ZCCHC7: variants seen among roughly 807,000 people sequenced by gnomAD.
ZCCHC7 encodes the protein zinc finger CCHC-type containing 7, also known as zinc finger CCHC domain-containing protein 7.
In ZCCHC7, 35 loss-of-function variants were observed where a neutral mutation model predicts 52.0. The ratio of observed to expected loss-of-function variants is 0.67; its 90% CI spans 0.51 to 0.89. ZCCHC7 has a LOEUF of 0.89. Among genes scored for constraint, ZCCHC7 ranks in the 40% least tolerant of loss-of-function variants. ZCCHC7 has a pLI of 0.00. For missense variants in ZCCHC7, 574 were observed against 649.1 expected (o/e 0.88, Z 1.26); for synonymous variants, 217 against 221.5 (o/e 0.98, Z 0.18).
intron 2 of ZCCHC7, among the ~76,000 whole-genome samples, chr9:37,285,670 T>C (rs1828173471): frequency 6.6e-6 from 1 of 152,234 alleles, no homozygotes; most frequent in Admixed American, 6.5e-5. Context: ...TTGCTGCTTA[T>C]ATAAATAGAA....
intron 2 of ZCCHC7, among the ~76,000 whole-genome samples, chr9:37,155,426 ATATTAT>A (rs975233853): frequency 2.0e-4 from 30 of 152,132 alleles, no homozygotes; most frequent in African/African-American, 7.2e-4. Context: ...AACCAAATTG[ATATTAT>A]TAATATGTAG....
chr9:37,254,372 T>A (rs948314108), intron 2 of ZCCHC7, among the ~76,000 whole-genome samples: 2 of 151,758 alleles, frequency 1.3e-5, no homozygotes, highest in Admixed American at 1.3e-4. Flanking sequence ...TTACAAAGAG[T>A]TGGGAACTTT....
intron 2 of ZCCHC7, among the ~76,000 whole-genome samples, chr9:37,284,656 T>C (rs1206463203): frequency 1.3e-5 from 2 of 152,180 alleles, no homozygotes; most frequent in Non-Finnish European, 2.9e-5. Flanking sequence ...GACCAGCTCA[T>C]GTATTTTGTA....
intron 2 of ZCCHC7, chr9:37,147,253 T>C (rs1426508828): frequency 2.0e-5 from 3 of 152,002 alleles, no homozygotes; most frequent in African/African-American, 7.2e-5. Context: ...GAATATAATA[T>C]AGTTTCATTT....
intron 2 of ZCCHC7, among the ~76,000 whole-genome samples, chr9:37,277,084 A>G (rs1588596826): frequency 1.3e-5 from 2 of 152,340 alleles, no homozygotes; most frequent in Middle Eastern, 6.8e-3. Context: ...TACTATGCTT[A>G]CTATGCACCA....
At chr9:37,147,372 G>A (rs920272505) in intron 2 of ZCCHC7, 4 of 151,960 alleles carry the variant, frequency 2.6e-5, no homozygotes, top group African/African-American at 9.7e-5. Context: ...GTAATACCTA[G>A]CAAATACAGA....
At position 37,269,349 on chromosome 9, in the gene ZCCHC7, A is replaced by G. The variant is rs1455347235; in HGVS notation, c.611-32839A>G. Among the ~76,000 whole-genome samples the G allele has an allele frequency of 2.0e-5, 3 of 152,300 alleles. No homozygotes were observed. The East Asian group carries it at 5.8e-4, about 29-fold the overall frequency. On this transcript the variant is annotated intron_variant, in intron 2 of 8. Transcript: ENST00000336755. The stretch of plus-strand genomic sequence containing the variant: ...AAAAGAGAATGGTGAGAGGGCCTGT[A>G]GTACCTGCAGAAATACCAGTTAAGA...
intron 2 of ZCCHC7, among the ~76,000 whole-genome samples, chr9:37,271,411 A>C (rs1034883517): frequency 2.6e-5 from 4 of 152,200 alleles, no homozygotes; most frequent in Non-Finnish European, 5.9e-5. Flanking sequence ...TCAGGGACTT[A>C]GTTTATTACA....
At chr9:37,340,810 T>C (rs1470411091) in intron 6 of ZCCHC7, among the ~76,000 whole-genome samples, 1 of 152,194 alleles carries the variant, frequency 6.6e-6, no homozygotes, top group Non-Finnish European at 1.5e-5. Context: ...AGGTAAGATC[T>C]AGGCTGATTT....
chr9:37,329,601 T>A (rs1458199817), intron 6 of ZCCHC7, among the ~76,000 whole-genome samples: 1 of 151,898 alleles, frequency 6.6e-6, no homozygotes, highest in East Asian at 1.9e-4. Flanking sequence ...CTAGCATGTT[T>A]ATGAACTTGT....
At chr9:37,300,537 G>A (rs896722378) in intron 2 of ZCCHC7, among the ~76,000 whole-genome samples, 1 of 152,168 alleles carries the variant, frequency 6.6e-6, no homozygotes, top group African/African-American at 2.4e-5. Context: ...CATACCTGTG[G>A]ATTGGTCTTT....
At chr9:37,182,904 G>A (rs1035858126) in intron 2 of ZCCHC7, among the ~76,000 whole-genome samples, 7 of 152,268 alleles carry the variant, frequency 4.6e-5, no homozygotes, top group South Asian at 2.1e-4. Flanking sequence ...GCAAGTCCCT[G>A]GAAGCCAGGA....
intron 2 of ZCCHC7, among the ~76,000 whole-genome samples, chr9:37,194,122 T>A (rs956835405): frequency 6.6e-6 from 1 of 152,184 alleles, no homozygotes; most frequent in Non-Finnish European, 1.5e-5. Context: ...CATACAAATG[T>A]GGATATATTG....
chr9:37,275,987 C>T (rs1338056385), intron 2 of ZCCHC7, among the ~76,000 whole-genome samples: 1 of 152,204 alleles, frequency 6.6e-6, no homozygotes, highest in Non-Finnish European at 1.5e-5. Flanking sequence ...TATCAATTTA[C>T]ATTATAACCA....
chr9:37,147,382 A>G (rs1843479091), intron 2 of ZCCHC7: 1 of 152,026 alleles, frequency 6.6e-6, no homozygotes, highest in Non-Finnish European at 1.5e-5. Flanking sequence ...GCAAATACAG[A>G]AAGAGAGATA....
At chr9:37,149,631 A>C (rs899728096) in intron 2 of ZCCHC7, among the ~76,000 whole-genome samples, 1 of 152,062 alleles carries the variant, frequency 6.6e-6, no homozygotes, top group African/African-American at 2.4e-5. Flanking sequence ...TATACATAGA[A>C]TAGAATGATT....
chr9:37,339,655 G>C (rs1460025957), intron 6 of ZCCHC7, among the ~76,000 whole-genome samples: 3 of 152,006 alleles, frequency 2.0e-5, no homozygotes, highest in Non-Finnish European at 4.4e-5. Flanking sequence ...TGTTATATTT[G>C]GTTATGAATG....
chr9:37,288,279 C>CAA (rs200690644), intron 2 of ZCCHC7, among the ~76,000 whole-genome samples: 70 of 91,520 alleles, frequency 7.6e-4, no homozygotes, highest in African/African-American at 2.4e-3. Context: ...GACCTTGTCT[C>CAA]AAAAAAAAAA....
At chr9:37,352,943 G>A (rs1821482036) in intron 7 of ZCCHC7, among the ~76,000 whole-genome samples, 1 of 152,014 alleles carries the variant, frequency 6.6e-6, no homozygotes, top group Non-Finnish European at 1.5e-5. Flanking sequence ...AAAGATAGCA[G>A]AAGGATGGAA....
Sources: allele counts gnomAD v4.1 joint callset (sites outside exome capture counted in the v4.1 genomes callset), GRCh38; gene constraint gnomAD v4.1.1; transcripts MANE v1.5; gene names NCBI Gene and HGNC (gene_info 2026-07-23, HGNC 2026-07-21).